The following LMO1 variants were observed in gnomAD, a reference collection of about 807,000 sequenced individuals.
LMO1 encodes rhombotin-1.
A neutral mutation model predicts 18.0 loss-of-function variants in LMO1; 10 were observed. The ratio of observed to expected loss-of-function variants is 0.55; its 90% CI spans 0.34 to 0.94. LMO1 has a LOEUF of 0.94. LMO1 is among the 40% of genes least tolerant of loss of function. The pLI is 0.02. For synonymous variants in LMO1, 77 were observed against 77.9 expected (o/e 0.99, Z 0.06); for missense variants, 183 against 205.7 (o/e 0.89, Z 0.68).
chr11:8,230,420 A>G lies in LMO1; in HGVS notation c.110T>C (p.Leu37Pro). Residue 37 changes from leucine to proline, a missense_variant, in exon 2 of 4, where the codon CTG becomes CCG. Leu to Pro is a moderately conservative substitution (Grantham distance 98). Transcript: ENST00000335790. Reference protein sequence around the residue: ...CNRKIKDRYLLKALDKYWHED... With the variant: ...CNRKIKDRYLPKALDKYWHED... ...GTGCCAGTACTTGTCCAATGCCTTCAGCAGATAGCGGTCCTTGATCTTGCG... is the reference window on the plus strand; with the variant it reads ...GTGCCAGTACTTGTCCAATGCCTTCGGCAGATAGCGGTCCTTGATCTTGCG... 1 of 1,614,116 alleles carries G rather than the reference A, an allele frequency of 6.2e-7. No individual in the cohort carries two copies. The highest frequency in any genetic ancestry group is 8.5e-7 in the Non-Finnish European group (1 of 1,179,960).
chr11:8,247,388 C>T (rs999981074), intron 1 of LMO1, among the ~76,000 whole-genome samples: 1 of 152,218 alleles, frequency 6.6e-6, no homozygotes, highest in Non-Finnish European at 1.5e-5. Context: ...AGCAACGAGG[C>T]TGCCTTTGAA....
chr11:8,244,916 A>G (rs1325408591), intron 1 of LMO1, among the ~76,000 whole-genome samples: 1 of 152,126 alleles, frequency 6.6e-6, no homozygotes. Flanking sequence ...GCCTGCTCTG[A>G]CCAGCCCAGA....
chr11:8,226,490 C>T (rs1364270788), intron 3 of LMO1, among the ~76,000 whole-genome samples: 1 of 152,200 alleles, frequency 6.6e-6, no homozygotes, highest in Non-Finnish European at 1.5e-5. Flanking sequence ...CACTGCACCC[C>T]AGCCTGGGCA....
intron 1 of LMO1, among the ~76,000 whole-genome samples, chr11:8,245,806 T>C (rs1590547330): frequency 6.6e-6 from 1 of 152,194 alleles, no homozygotes; most frequent in Middle Eastern, 3.2e-3. Context: ...TGAGGCTGGG[T>C]AATTTGTAAA....
chr11:8,226,304 G>T (rs1952540314), intron 3 of LMO1, among the ~76,000 whole-genome samples: 1 of 151,974 alleles, frequency 6.6e-6, no homozygotes, highest in African/African-American at 2.4e-5. Flanking sequence ...AGACCAGCCT[G>T]GCCAACATGG....
chr11:8,266,585 C>G (rs1004547363), upstream of LMO1, among the ~76,000 whole-genome samples: 1 of 152,192 alleles, frequency 6.6e-6, no homozygotes, highest in African/African-American at 2.4e-5. Flanking sequence ...ACTATCAATC[C>G]CCAAGGTTAG....
intron 1 of LMO1, among the ~76,000 whole-genome samples, chr11:8,255,350 T>A (rs934943149): frequency 1.3e-5 from 2 of 152,020 alleles, no homozygotes. Flanking sequence ...CTACAAAAAA[T>A]ACGAAAATTA....
intron 3 of LMO1, 62 bp from the exon 4 acceptor site, chr11:8,224,783 G>A: frequency 9.4e-7 from 1 of 1,058,362 alleles, no homozygotes. Flanking sequence ...GGGGGGGGCT[G>A]CAGACAGAAG....
rs1394777888 is a variant in LMO1, at chr11:8,230,616, GT to G, written c.26-113del. ...TGCTTCTCTCTGCTGCCCCCTCTAG[GT>G]TTGGGGCTCCCAGGAGCCCTCGCTT... On this transcript the variant is annotated intron_variant, in intron 1 of 3. Transcript: ENST00000335790. 2.8e-5 allele frequency: 32 copies of G among 1,142,614 alleles called. No homozygotes were observed. In the East Asian group the frequency reaches 7.5e-4, roughly 27 times the overall value. 70.8% of individuals were successfully genotyped at this position (1,142,614 alleles called of 1,614,324 possible).
At chr11:8,237,725 C>G (rs966180668) in intron 1 of LMO1, among the ~76,000 whole-genome samples, 6 of 152,250 alleles carry the variant, frequency 3.9e-5, no homozygotes, top group African/African-American at 1.4e-4. Context: ...AGGCTCCGCC[C>G]ATGGGGTGGC....
intron 1 of LMO1, among the ~76,000 whole-genome samples, chr11:8,251,463 C>A (rs1846991273): frequency 6.6e-6 from 1 of 152,202 alleles, no homozygotes; most frequent in South Asian, 2.1e-4. Context: ...AAGCGGGGCC[C>A]TCAATCCAAC....
rs141415384 is a variant in LMO1 at position 8,243,099 on chromosome 11, G to A, written c.26-12595C>T. Among the ~76,000 whole-genome samples, 1,456 of 152,286 alleles carry A rather than the reference G, an allele frequency of 9.6e-3. 26 individuals are homozygous for A. The highest frequency in any genetic ancestry group is 0.033 in the African/African-American group (1,355 of 41,562). On this transcript the variant is annotated intron_variant, in intron 1 of 3. Coordinates refer to ENST00000335790, the MANE Select transcript of LMO1 (RefSeq NM_002315.3). ...GGGAGAATCCAGGCCCCACCCCCAAGAGCGGCAGGGATGGAAACCCCTTTG... is the reference window on the plus strand; with the variant it reads ...GGGAGAATCCAGGCCCCACCCCCAAAAGCGGCAGGGATGGAAACCCCTTTG...
intron 1 of LMO1, among the ~76,000 whole-genome samples, chr11:8,239,064 G>A (rs1203717036): frequency 6.6e-6 from 1 of 152,180 alleles, no homozygotes; most frequent in Non-Finnish European, 1.5e-5. Flanking sequence ...ATGAGAAGAC[G>A]GTGGCCTGGG....
At chr11:8,255,887 G>A (rs980318566) in intron 1 of LMO1, among the ~76,000 whole-genome samples, 15 of 141,834 alleles carry the variant, frequency 1.1e-4, no homozygotes, top group African/African-American at 2.6e-4. Flanking sequence ...GTGCAGTGGC[G>A]GGATCTCGGC....
Position 8,226,797 on chromosome 11 carries a change from G to A in LMO1, c.365+178C>T, listed in dbSNP as rs575329907. On this transcript the variant is annotated intron_variant, in intron 3 of 3. Transcript: ENST00000335790. ...ATTAAAGTGCACACATTTGGCTACC[G>A]AGCTTACACACACATAAAACACATA... 1.2e-3 allele frequency: 1,516 copies of A among 1,214,982 alleles called. 1 individual carries two copies. The highest frequency in any genetic ancestry group is 1.5e-3 in the Non-Finnish European group (1,353 of 919,774). The allele number at this position is 1,214,982 out of a possible 1,614,324, so 75.3% of individuals were successfully genotyped here.
In LMO1 at chr11:8,228,244, C is replaced by G. The variant is rs115068819; in HGVS notation, c.240-1144G>C. ...TTTACTCCCTCCCCATGCAGGCCAG[C>G]CCTTGGCTGGATGTCCCAATGGTCT... On this transcript the variant is annotated intron_variant, in intron 2 of 3. Coordinates refer to ENST00000335790, the MANE Select transcript of LMO1 (RefSeq NM_002315.3). Among the ~76,000 whole-genome samples the G allele has an allele frequency of 7.2e-3, 1,093 of 152,356 alleles. 17 individuals are homozygous for G. Among genetic ancestry groups the G allele is most frequent in the African/African-American group, 0.025 (1,050 of 41,584 alleles).
At chr11:8,234,303 G>C (rs964502194) in intron 1 of LMO1, among the ~76,000 whole-genome samples, 3 of 152,134 alleles carry the variant, frequency 2.0e-5, no homozygotes, top group Non-Finnish European at 4.4e-5. Context: ...TCCAGGTGAC[G>C]GGGACGCACT....
At chr11:8,241,986 G>A (rs1846803223) in intron 1 of LMO1, among the ~76,000 whole-genome samples, 1 of 152,128 alleles carries the variant, frequency 6.6e-6, no homozygotes, top group African/African-American at 2.4e-5. Context: ...GATATTACTG[G>A]CAAGAATCTG....
At chr11:8,243,695 C>T (rs544486703) in intron 1 of LMO1, among the ~76,000 whole-genome samples, 102 of 152,330 alleles carry the variant, frequency 6.7e-4, no homozygotes, top group African/African-American at 2.4e-3. Context: ...CTGGGCCCTG[C>T]ACCCAGGTGA....
Sources: allele counts gnomAD v4.1 joint callset (sites outside exome capture counted in the v4.1 genomes callset), GRCh38; gene constraint gnomAD v4.1.1; transcripts MANE v1.5; gene names NCBI Gene and HGNC (gene_info 2026-07-23, HGNC 2026-07-21).